SMIM36: variants seen among roughly 807,000 people sequenced by gnomAD.
The protein encoded by SMIM36 is small integral membrane protein 36.
At chr17:55,524,492 C>T in the SMIM36 span, among the ~76,000 whole-genome samples, 1 of 152,256 alleles carries the variant, frequency 6.6e-6, no homozygotes, top group Non-Finnish European at 1.5e-5. Flanking sequence ...TGAGGAATCA[C>T]CACACTGCTT....
intron 3 of SMIM36, among the ~76,000 whole-genome samples, chr17:55,476,476 C>T (rs1909428216): frequency 6.6e-6 from 1 of 152,168 alleles, no homozygotes; most frequent in Non-Finnish European, 1.5e-5. Context: ...TCACATAAAG[C>T]CTGTTTGGTG....
At chr17:55,521,586 T>C in the SMIM36 span, among the ~76,000 whole-genome samples, 1 of 152,236 alleles carries the variant, frequency 6.6e-6, no homozygotes, top group South Asian at 2.1e-4. Flanking sequence ...TCTAGTTTCC[T>C]ATGTAGGATT....
chr17:55,472,752 C>T (rs1036055731), intron 3 of SMIM36, among the ~76,000 whole-genome samples: 13 of 151,798 alleles, frequency 8.6e-5, no homozygotes, highest in Non-Finnish European at 1.9e-4. Flanking sequence ...ACAACTGTCC[C>T]AGCTACTCGG....
chr17:55,501,312 A>G (rs1484620287), intron 1 of SMIM36, among the ~76,000 whole-genome samples: 3 of 80,056 alleles, frequency 3.7e-5, no homozygotes, highest in Non-Finnish European at 6.4e-5. Context: ...ATTATGTTAT[A>G]TATTATATTT....
chr17:55,477,461 A>G (rs1367772648), intron 3 of SMIM36, among the ~76,000 whole-genome samples: 1 of 152,068 alleles, frequency 6.6e-6, no homozygotes, highest in African/African-American at 2.4e-5. Flanking sequence ...TCTGTGCACT[A>G]ATTTCCCCCT....
At chr17:55,500,655 A>T (rs1015178370) in intron 1 of SMIM36, among the ~76,000 whole-genome samples, 1 of 149,592 alleles carries the variant, frequency 6.7e-6, no homozygotes, top group South Asian at 2.1e-4. Flanking sequence ...TGCATCTAAT[A>T]TTGAAGTTAA....
chr17:55,466,947 C>T (rs1909250399), intron 4 of SMIM36, among the ~76,000 whole-genome samples, 198 bp downstream of exon 4: 1 of 152,118 alleles, frequency 6.6e-6, no homozygotes, highest in African/African-American at 2.4e-5. Flanking sequence ...AGCTCTGCTG[C>T]AGTGGAATGC....
chr17:55,529,735 G>A, the SMIM36 span, among the ~76,000 whole-genome samples: 1 of 152,066 alleles, frequency 6.6e-6, no homozygotes, highest in Non-Finnish European at 1.5e-5. Context: ...AGGCTGTGGT[G>A]AGCTGCAATG....
chr17:55,524,103 G>A, the SMIM36 span, among the ~76,000 whole-genome samples: 1 of 152,014 alleles, frequency 6.6e-6, no homozygotes, highest in Non-Finnish European at 1.5e-5. Context: ...AGGCTCCAGT[G>A]TCTGTTGTTC....
At chr17:55,460,443 A>C (rs56313573) in intron 4 of SMIM36, among the ~76,000 whole-genome samples, 73,840 of 149,752 alleles carry the variant, frequency 0.49, 21,656 homozygotes, top group Non-Finnish European at 0.66. Flanking sequence ...CAAAAAACAA[A>C]AAACAAAACA....
At chr17:55,522,909 C>G in the SMIM36 span, among the ~76,000 whole-genome samples, 1 of 152,112 alleles carries the variant, frequency 6.6e-6, no homozygotes, top group Non-Finnish European at 1.5e-5. Flanking sequence ...CAGGCACATT[C>G]TAAGCATTGA....
intron 3 of SMIM36, among the ~76,000 whole-genome samples, chr17:55,473,988 G>C (rs1006647874): frequency 5.9e-5 from 9 of 152,108 alleles, no homozygotes; most frequent in South Asian, 4.1e-4. Context: ...TCCCTGTCCT[G>C]TTCTGTTCTG....
At chr17:55,527,845 C>T in the SMIM36 span, 2 of 152,182 alleles carry the variant, frequency 1.3e-5, no homozygotes, top group Non-Finnish European at 2.9e-5. Flanking sequence ...TTGTGTCTGT[C>T]GTCAGAAAGC....
chr17:55,497,485 C>T (rs1372848397), intron 1 of SMIM36, among the ~76,000 whole-genome samples: 3 of 152,042 alleles, frequency 2.0e-5, no homozygotes, highest in African/African-American at 4.8e-5. Flanking sequence ...AGGCTGGTCT[C>T]GAACTCCTAC....
At chr17:55,518,818 A>G in the SMIM36 span, among the ~76,000 whole-genome samples, 1 of 150,928 alleles carries the variant, frequency 6.6e-6, no homozygotes, top group Non-Finnish European at 1.5e-5. Context: ...TATGAGAGAG[A>G]AAAGGATAAT....
intron 1 of SMIM36, among the ~76,000 whole-genome samples, chr17:55,488,334 C>G (rs906911006): frequency 7.9e-5 from 12 of 152,180 alleles, no homozygotes; most frequent in Admixed American, 4.6e-4. Flanking sequence ...AAATTCTCTC[C>G]CAAAGTCCCT....
At chr17:55,463,964 A>T (rs1177871235) in intron 4 of SMIM36, among the ~76,000 whole-genome samples, 1 of 152,058 alleles carries the variant, frequency 6.6e-6, no homozygotes, top group Non-Finnish European at 1.5e-5. Flanking sequence ...AAAAATACAA[A>T]AATTAGCCTG....
intron 3 of SMIM36, among the ~76,000 whole-genome samples, chr17:55,477,803 C>G (rs929757017): frequency 7.3e-5 from 11 of 151,532 alleles, no homozygotes; most frequent in Admixed American, 7.2e-4. Context: ...ATAATGTTTT[C>G]CAAGGGCCTG....
chr17:55,477,351 A>G (rs1049519290), intron 3 of SMIM36, among the ~76,000 whole-genome samples: 15 of 152,164 alleles, frequency 9.9e-5, no homozygotes, highest in African/African-American at 2.9e-4. Context: ...TCCAGTGTTT[A>G]CATTCAATTC....
Sources: gnomAD v4.1 joint callset for allele counts (sites outside exome capture counted in the v4.1 genomes callset) on GRCh38, gnomAD v4.1.1 for gene constraint, MANE v1.5 for transcripts, NCBI Gene and HGNC (gene_info 2026-07-23, HGNC 2026-07-21) for gene names.